ATP8B1: variants seen among roughly 807,000 people sequenced by gnomAD.
ATP8B1 encodes the protein ATPase phospholipid transporting 8B1, also known as phospholipid-transporting ATPase IC.
Under a neutral mutation model 149.9 loss-of-function variants are expected in ATP8B1, and 80 were observed. The ratio of observed to expected loss-of-function variants is 0.53; its 90% CI spans 0.45 to 0.64. The LOEUF is 0.64. Ranked by LOEUF, ATP8B1 falls within the 30% of genes least tolerant of loss-of-function variation. The probability of loss-of-function intolerance (pLI) is 0.00; values close to 1 mark genes in which losing one functional copy is unlikely to be tolerated. For missense variants in ATP8B1, 1,247 were observed against 1,552.6 expected (o/e 0.80, Z 3.31); for synonymous variants, 536 against 562.8 (o/e 0.95, Z 0.67).
intron 4 of ATP8B1, among the ~76,000 whole-genome samples, chr18:57,702,123 AG>A (rs1221008781): frequency 1.3e-5 from 2 of 152,170 alleles, no homozygotes. Flanking sequence ...TGCCTCTGAA[AG>A]TGAGGGATTA....
chr18:57,797,523 C>A (rs887806797), intron 1 of ATP8B1, among the ~76,000 whole-genome samples: 1 of 152,062 alleles, frequency 6.6e-6, no homozygotes, highest in African/African-American at 2.4e-5. Flanking sequence ...AGCTTCCAGG[C>A]CCATTTGTCA....
intron 10 of ATP8B1, 67 bp downstream of exon 10, chr18:57,695,104 A>T: frequency 6.4e-7 from 1 of 1,570,716 alleles, no homozygotes; most frequent in South Asian, 1.1e-5. Context: ...CAAAGGACAG[A>T]AAAGCAATCC....
intron 2 of ATP8B1, among the ~76,000 whole-genome samples, chr18:57,717,661 AT>A (rs2079597007): frequency 1.3e-5 from 2 of 151,116 alleles, no homozygotes; most frequent in Admixed American, 6.6e-5. Context: ...CAAAGCAGAG[AT>A]AAATGACATT....
At chr18:57,712,635 G>A (rs1913742655) in intron 2 of ATP8B1, among the ~76,000 whole-genome samples, 1 of 152,084 alleles carries the variant, frequency 6.6e-6, no homozygotes, top group Non-Finnish European at 1.5e-5. Flanking sequence ...GGAGCCAGTT[G>A]ACTTAGCAGG....
In ATP8B1 at chr18:57,668,473, G is replaced by A; in HGVS notation, c.2165C>T (p.Ala722Val). 6.3e-7 allele frequency: 1 copy of A among 1,575,980 alleles called. No individual in the cohort carries two copies. Among genetic ancestry groups the A allele is most frequent in the Non-Finnish European group, 8.6e-7 (1 of 1,160,258 alleles). Residue 722 changes from alanine (A) to valine (V), a missense_variant, in exon 19 of 28, where the codon GCA becomes GTA. Transcript: ENST00000648908. The stretch of plus-strand genomic sequence containing the variant: ...CACCCAGATCTTAATGTCAGCTTTT[G>A]CAAGTTTTGAAATGGTTTCTGGAAC... Reference protein sequence around the residue: ...DGVPETISKLAKADIKIWVLT... With the variant: ...DGVPETISKLVKADIKIWVLT...
chr18:57,761,117 A>T (rs201899401), intron 1 of ATP8B1, among the ~76,000 whole-genome samples: 1 of 33,838 alleles, frequency 3.0e-5, no homozygotes, highest in African/African-American at 1.3e-4. Context: ...TAAAATATAA[A>T]ATAAAATAAA....
chr18:57,684,153 G>C lies in ATP8B1; in HGVS notation c.1513C>G (p.Leu505Val). ...ATAAGATAGTGGTCATAAAATGCAA[G>C]CTTCCCATCAGCATATGTATTCCAG... ...FSWNTYADGK[L>V]AFYDHYLIEQ... is the part of the protein sequence containing the mutation. The change falls in exon 15 of 28, where the codon CTT becomes GTT. Residue 505 changes from leucine to valine, a missense_variant. Physicochemically the swap from Leu to Val is conservative, Grantham distance 32 (BLOSUM62 1). This residue lies in a region of ATP8B1 where 853 missense variants were observed against 1,035.7 expected (regional missense o/e 0.82). Transcript: ENST00000648908. 6.2e-7 allele frequency: 1 copy of C among 1,614,050 alleles called. No individual in the cohort carries two copies. The highest frequency in any genetic ancestry group is 2.2e-5 in the East Asian group (1 of 44,880).
intron 1 of ATP8B1, among the ~76,000 whole-genome samples, chr18:57,747,327 C>A: frequency 6.6e-6 from 1 of 152,198 alleles, no homozygotes; most frequent in South Asian, 2.1e-4. Context: ...GTGGCAGGCA[C>A]CTGCAATCCC....
At chr18:57,749,613 T>C (rs567161883) in intron 1 of ATP8B1, among the ~76,000 whole-genome samples, 1 of 152,248 alleles carries the variant, frequency 6.6e-6, no homozygotes, top group African/African-American at 2.4e-5. Flanking sequence ...GAACTCTGAG[T>C]TGAGTCAGGA....
At chr18:57,668,325 G>A in intron 19 of ATP8B1, 104 bp downstream of exon 19, 2 of 1,342,540 alleles carry the variant, frequency 1.5e-6, no homozygotes, top group Non-Finnish European at 2.1e-6. Flanking sequence ...AAGAAACAGT[G>A]TTTGTACAGG....
intron 2 of ATP8B1, among the ~76,000 whole-genome samples, chr18:57,718,920 C>G (rs1568210167): frequency 6.6e-6 from 1 of 152,260 alleles, no homozygotes; most frequent in East Asian, 1.9e-4. Flanking sequence ...TAGTATCAAA[C>G]TGAATGGGGA....
chr18:57,679,322 C>G (rs1911801830), intron 15 of ATP8B1, among the ~76,000 whole-genome samples: 1 of 152,114 alleles, frequency 6.6e-6, no homozygotes, highest in Non-Finnish European at 1.5e-5. Flanking sequence ...CCCCAAACTT[C>G]AGGATCATGC....
At chr18:57,713,475 TTTTTATTTTATTTTA>T (rs138926824) in intron 2 of ATP8B1, among the ~76,000 whole-genome samples, 117 of 146,432 alleles carry the variant, frequency 8.0e-4, no homozygotes, top group Non-Finnish European at 1.4e-3. Flanking sequence ...TTTTAAAAAT[TTTTTATTTTATTTTA>T]TTTTATTTTA....
intron 1 of ATP8B1, among the ~76,000 whole-genome samples, chr18:57,742,836 AAAAAC>A (rs1387872001): frequency 1.3e-5 from 2 of 151,876 alleles, no homozygotes; most frequent in Non-Finnish European, 2.9e-5. Flanking sequence ...TAAAAAAAAA[AAAAAC>A]AAAACAGACT....
rs1009950991 is a variant in ATP8B1, at chr18:57,784,255, A to AGAGCTGTGGAGAGAAGG, written c.-26+18726_-26+18742dup. Among the ~76,000 whole-genome samples, 1 of 152,164 alleles carries AGAGCTGTGGAGAGAAGG rather than the reference A, an allele frequency of 6.6e-6. No individual in the cohort carries two copies. Among genetic ancestry groups the AGAGCTGTGGAGAGAAGG allele is most frequent in the Non-Finnish European group, 1.5e-5 (1 of 68,040 alleles). On this transcript the variant is annotated intron_variant, in intron 1 of 27. Coordinates refer to ENST00000648908, the MANE Select transcript of ATP8B1 (RefSeq NM_001374385.1). This position sits in a 1 kb window ranked among gnomAD's most constrained non-coding sequence, Gnocchi z 4.4. ...CGGGGTCAGGGCGGGCTGGGCATAG[A>AGAGCTGTGGAGAGAAGG]GAGCTGTGGAGAGAAGGTAGCTGTT... is the stretch of plus-strand genomic sequence containing the variant.
At chr18:57,744,663 T>C (rs758096699) in intron 1 of ATP8B1, among the ~76,000 whole-genome samples, 10 of 152,224 alleles carry the variant, frequency 6.6e-5, no homozygotes, top group Middle Eastern at 3.2e-3. Context: ...GGCTTTAAAG[T>C]TATATTCATG....
At chr18:57,682,584 C>T (rs1330543223) in intron 15 of ATP8B1, among the ~76,000 whole-genome samples, 3 of 152,154 alleles carry the variant, frequency 2.0e-5, no homozygotes, top group Non-Finnish European at 4.4e-5. Flanking sequence ...TTTGTAATAT[C>T]ATACTTTATG....
intron 2 of ATP8B1, among the ~76,000 whole-genome samples, chr18:57,715,262 A>C (rs456984): frequency 1.3e-5 from 2 of 152,094 alleles, no homozygotes; most frequent in African/African-American, 2.4e-5. Context: ...CCAGGATTGA[A>C]TAAGTGGAAC....
At position 57,731,711 on chromosome 18, in the gene ATP8B1, G is replaced by A; in HGVS notation, c.97C>T (p.Leu33Phe). The stretch of plus-strand genomic sequence containing the variant: ...TCAACAGCAGACCCCTGGTCATCAA[G>A]TTCATCTTCTGTTTCATCATCACTG... ...PYSDDETEDE[L>F]DDQGSAVEPE... Residue 33 changes from leucine (L) to phenylalanine (F), a missense_variant, in exon 2 of 28, where the codon CTT becomes TTT. Transcript: ENST00000648908. The A allele has an allele frequency of 1.2e-6, 2 of 1,614,076 alleles. No homozygotes were observed. The highest frequency in any genetic ancestry group is 1.7e-6 in the Non-Finnish European group (2 of 1,180,022).
Sources: gnomAD v4.1 joint callset for allele counts (sites outside exome capture counted in the v4.1 genomes callset) on GRCh38, gnomAD v4.1.1 for gene constraint, gnomAD v4.1.1 regional missense constraint, Gnocchi (gnomAD v3.1) non-coding constraint, MANE v1.5 for transcripts, NCBI Gene and HGNC (gene_info 2026-07-23, HGNC 2026-07-21) for gene names.